The following MGAT4C variants were observed in gnomAD, a reference collection of about 807,000 sequenced individuals.
The protein encoded by MGAT4C is MGAT4 family member C, also known as alpha-1,3-mannosyl-glycoprotein 4-beta-N-acetylglucosaminyltransferase C.
A neutral mutation model predicts 40.1 loss-of-function variants in MGAT4C; 19 were observed. That is an observed-to-expected ratio of 0.47 (90% confidence interval 0.33 to 0.70). The LOEUF (loss-of-function observed/expected upper bound fraction) is 0.70, where lower values mean the gene tolerates loss of function less well. Ranked by LOEUF, MGAT4C falls within the 30% of genes least tolerant of loss-of-function variation. The pLI is 0.02. For synonymous variants in MGAT4C, 181 were observed against 187.1 expected (o/e 0.97, Z 0.27); for missense variants, 491 against 563.2 (o/e 0.87, Z 1.30).
chr12:86,491,925 G>C (rs1267881803), intron 2 of MGAT4C, among the ~76,000 whole-genome samples: 2 of 152,056 alleles, frequency 1.3e-5, no homozygotes, highest in African/African-American at 4.8e-5. Flanking sequence ...ATCTCCTTAA[G>C]CTGATAAGCA....
At chr12:86,177,037 A>G (rs942183785) in intron 1 of MGAT4C, among the ~76,000 whole-genome samples, 10 of 151,864 alleles carry the variant, frequency 6.6e-5, no homozygotes, top group Non-Finnish European at 1.2e-4. Flanking sequence ...CCATTTCACT[A>G]TCTGTTCTTC....
At chr12:86,833,211 C>T (rs1952966717) in intron 1 of MGAT4C, among the ~76,000 whole-genome samples, 1 of 151,638 alleles carries the variant, frequency 6.6e-6, no homozygotes, top group South Asian at 2.1e-4. Flanking sequence ...CTTGGATATC[C>T]TAGGAGAGGA....
chr12:86,819,421 T>C (rs1952667717), intron 1 of MGAT4C, among the ~76,000 whole-genome samples: 2 of 150,960 alleles, frequency 1.3e-5, no homozygotes, highest in African/African-American at 4.8e-5. Flanking sequence ...AAAAAAACTA[T>C]ACTGCAAATT....
At chr12:86,041,410 T>C (rs1250165135) in intron 2 of MGAT4C, among the ~76,000 whole-genome samples, 1 of 152,132 alleles carries the variant, frequency 6.6e-6, no homozygotes, top group Non-Finnish European at 1.5e-5. Flanking sequence ...AGGTCTGATG[T>C]TATGTTATTA....
At chr12:86,218,047 GA>G (rs1012937795) in intron 1 of MGAT4C, among the ~76,000 whole-genome samples, 1 of 151,680 alleles carries the variant, frequency 6.6e-6, no homozygotes, top group African/African-American at 2.4e-5. Context: ...GCTAAAACGA[GA>G]ACTTTTTTTT....
chr12:86,580,490 T>A (rs1960738346), intron 2 of MGAT4C, among the ~76,000 whole-genome samples: 1 of 151,366 alleles, frequency 6.6e-6, no homozygotes, highest in South Asian at 2.1e-4. Context: ...CATGAAAAAA[T>A]GCCTGAAATC....
At chr12:86,778,013 G>A (rs1359126315) in intron 1 of MGAT4C, among the ~76,000 whole-genome samples, 1 of 151,992 alleles carries the variant, frequency 6.6e-6, no homozygotes, top group African/African-American at 2.4e-5. Context: ...TAGAAGTAAG[G>A]AGATAAATAC....
At position 85,978,847 on chromosome 12, in the gene MGAT4C, C is replaced by A. The variant is rs1884211255; in HGVS notation, c.*442G>T. On this transcript the variant is annotated 3_prime_UTR_variant, in exon 5 of 5. Transcript: ENST00000611864. Reference sequence around the variant, plus strand: ...AACTTAAGTTTACAGAAAAAATAAACCAGATTATCATTCCACCCAACTGTA... The same window carrying A: ...AACTTAAGTTTACAGAAAAAATAAAACAGATTATCATTCCACCCAACTGTA... 1 of 152,112 alleles carries A rather than the reference C, an allele frequency of 6.6e-6. No homozygotes were observed. Among genetic ancestry groups the A allele is most frequent in the African/African-American group, 2.4e-5 (1 of 41,348 alleles). 9.4% of individuals were successfully genotyped at this position (152,112 alleles called of 1,614,324 possible).
chr12:86,161,222 A>G (rs940962299), intron 1 of MGAT4C, among the ~76,000 whole-genome samples: 1 of 152,154 alleles, frequency 6.6e-6, no homozygotes, highest in Non-Finnish European at 1.5e-5. Context: ...GAAAAAGAAC[A>G]AAACTTCAGC....
chr12:86,769,087 C>T (rs1282454769), intron 1 of MGAT4C, among the ~76,000 whole-genome samples: 2 of 152,058 alleles, frequency 1.3e-5, no homozygotes, highest in Admixed American at 6.6e-5. Flanking sequence ...AGGCAACCTA[C>T]AAAATGGGAG....
chr12:86,541,686 G>A (rs902529516), intron 2 of MGAT4C, among the ~76,000 whole-genome samples: 1 of 152,106 alleles, frequency 6.6e-6, no homozygotes, highest in East Asian at 1.9e-4. Context: ...ATGTTACTTA[G>A]TCTAAAGCTA....
In MGAT4C at chr12:86,223,652, G is replaced by A. The variant is rs188326952; in HGVS notation, c.-57+32587C>T. 3.0e-3 allele frequency among the ~76,000 whole-genome samples: 454 copies of A among 152,308 alleles called. 2 individuals carry two copies. The highest frequency in any genetic ancestry group is 0.01 in the African/African-American group (434 of 41,572). On this transcript the variant is annotated intron_variant, in intron 1 of 4. Coordinates refer to ENST00000611864, the MANE Select transcript of MGAT4C (RefSeq NM_001351288.2). ...TCCCTGAATTCACTACTGGGGGCCTGAGGACAAGACTGTGGCCTAGTCCTG... is the reference window on the plus strand; with the variant it reads ...TCCCTGAATTCACTACTGGGGGCCTAAGGACAAGACTGTGGCCTAGTCCTG...
intron 3 of MGAT4C, among the ~76,000 whole-genome samples, chr12:86,350,715 A>G (rs1176250792): frequency 6.6e-6 from 1 of 152,174 alleles, no homozygotes; most frequent in Admixed American, 6.6e-5. Flanking sequence ...TCAGAAATCA[A>G]TTTGCATTTC....
Position 86,516,823 on chromosome 12 carries a change from A to G in MGAT4C, c.-228-81558T>C, listed in dbSNP as rs191215042. Reference sequence around the variant, plus strand: ...ATATGAAGTGCAAATTAGCACAACAATGAGATACCTCTGTCTACCCATTAT... The same window carrying G: ...ATATGAAGTGCAAATTAGCACAACAGTGAGATACCTCTGTCTACCCATTAT... On this transcript the variant is annotated intron_variant, in intron 2 of 7. Coordinates refer to the MGAT4C transcript ENST00000548651. Among the ~76,000 whole-genome samples the G allele has an allele frequency of 3.0e-4, 46 of 152,264 alleles. No homozygotes were observed. The East Asian group carries it at 6.4e-3, about 21-fold the overall frequency.
At chr12:86,682,786 T>G (rs2136582505) in intron 2 of MGAT4C, among the ~76,000 whole-genome samples, 1 of 152,258 alleles carries the variant, frequency 6.6e-6, no homozygotes, top group South Asian at 2.1e-4. Flanking sequence ...AAATATATTT[T>G]ATAACAAAGT....
At chr12:86,758,526 T>G (rs1951345948) in intron 1 of MGAT4C, among the ~76,000 whole-genome samples, 1 of 151,996 alleles carries the variant, frequency 6.6e-6, no homozygotes, top group Non-Finnish European at 1.5e-5. Context: ...AACTTTCTCT[T>G]CCCTTTATAG....
At chr12:86,636,990 C>T (rs948314002) in intron 2 of MGAT4C, among the ~76,000 whole-genome samples, 1 of 151,682 alleles carries the variant, frequency 6.6e-6, no homozygotes, top group Non-Finnish European at 1.5e-5. Context: ...AGGGTATTTC[C>T]TTCCCAGACA....
chr12:86,770,225 G>A (rs1227999217), intron 1 of MGAT4C, among the ~76,000 whole-genome samples: 1 of 151,796 alleles, frequency 6.6e-6, no homozygotes, highest in Non-Finnish European at 1.5e-5. Context: ...CATTTATGGT[G>A]GCAACAATAG....
chr12:86,591,360 T>C (rs1961322115), intron 2 of MGAT4C, among the ~76,000 whole-genome samples: 2 of 152,116 alleles, frequency 1.3e-5, no homozygotes, highest in South Asian at 4.1e-4. Flanking sequence ...GAGGATACTA[T>C]TTATTCACTT....
Sources: allele counts gnomAD v4.1 joint callset (sites outside exome capture counted in the v4.1 genomes callset), GRCh38; gene constraint gnomAD v4.1.1; transcripts MANE v1.5; gene names NCBI Gene and HGNC (gene_info 2026-07-23, HGNC 2026-07-21).